Variants in KLHL13 observed in about 807,000 individuals in gnomAD.
KLHL13 encodes the protein kelch-like protein 13.
Under a neutral mutation model 37.1 loss-of-function variants are expected in KLHL13, and 10 were observed. That is an observed-to-expected ratio of 0.27 (90% CI 0.17 to 0.46). KLHL13 has a LOEUF of 0.46. KLHL13 is among the 20% of genes least tolerant of loss of function. The pLI is 1.00. For synonymous variants in KLHL13, 163 were observed against 181.2 expected (o/e 0.90, Z 0.81); for missense variants, 360 against 509.3 (o/e 0.71, Z 2.82).
At chrX:118,081,179 T>C (rs1449242147) in intron 1 of KLHL13, among the ~76,000 whole-genome samples, 1 of 111,387 alleles carries the variant, frequency 9.0e-6, no homozygotes, top group Non-Finnish European at 1.9e-5. Flanking sequence ...GCTACCTGAG[T>C]GCGATATACC....
At chrX:118,047,630 A>T (rs1435214676) in intron 1 of KLHL13, among the ~76,000 whole-genome samples, 1 of 112,162 alleles carries the variant, frequency 8.9e-6, no homozygotes, top group African/African-American at 3.2e-5. Flanking sequence ...ACCAACCATA[A>T]TAGAAACAGG....
In KLHL13 at chrX:118,033,592, A is replaced by T. The variant is rs184421569; in HGVS notation, c.-56+82916T>A. ...CCCTAAAACAGATCCTGAAGGAAGC[A>T]CTAAACATGGAAAGGAACAACCGGT... On this transcript the variant is annotated intron_variant, in intron 1 of 6. Coordinates refer to the KLHL13 transcript ENST00000371882. 5.8e-3 allele frequency among the ~76,000 whole-genome samples: 646 copies of T among 110,856 alleles called. 5 individuals are homozygous for T. The highest frequency in any genetic ancestry group is 0.018 in the African/African-American group (555 of 30,363).
At chrX:118,097,742 T>C (rs765355761) in intron 1 of KLHL13, among the ~76,000 whole-genome samples, 1 of 110,992 alleles carries the variant, frequency 9.0e-6, no homozygotes, top group African/African-American at 3.3e-5. Context: ...TATAGACCAA[T>C]GGAACAGAAC....
intron 4 of KLHL13, among the ~76,000 whole-genome samples, chrX:117,916,220 T>C (rs781041336): frequency 2.7e-5 from 3 of 111,731 alleles, no homozygotes; most frequent in South Asian, 3.7e-4. Context: ...ATTTAACATG[T>C]TGTAGTTATA....
At chrX:118,055,049 T>C in intron 1 of KLHL13, among the ~76,000 whole-genome samples, 1 of 111,498 alleles carries the variant, frequency 9.0e-6, no homozygotes, top group Non-Finnish European at 1.9e-5. Context: ...GAAATCACCA[T>C]GTTACTAAAT....
intron 4 of KLHL13, among the ~76,000 whole-genome samples, chrX:117,912,056 G>A (rs746914171): frequency 9.0e-6 from 1 of 111,450 alleles, no homozygotes; most frequent in Admixed American, 9.5e-5. Context: ...GCTGCAGGTC[G>A]GTGGTTCAAA....
At chrX:118,001,039 T>C (rs1383695393) in intron 1 of KLHL13, among the ~76,000 whole-genome samples, 2 of 112,091 alleles carry the variant, frequency 1.8e-5, no homozygotes, top group Non-Finnish European at 3.8e-5. Context: ...AAGCAAAAAG[T>C]GTAAAGAACA....
intron 1 of KLHL13, among the ~76,000 whole-genome samples, chrX:118,044,878 T>C (rs1243233202): frequency 9.0e-6 from 1 of 111,480 alleles, no homozygotes; most frequent in Admixed American, 9.5e-5. Flanking sequence ...AAAGCAAAAA[T>C]GGACAAATGG....
intron 1 of KLHL13, among the ~76,000 whole-genome samples, chrX:117,970,272 C>T (rs925739728): frequency 5.4e-5 from 6 of 111,804 alleles, no homozygotes; most frequent in Admixed American, 1.9e-4. Flanking sequence ...ACATTACAAA[C>T]CAATACTGAT....
At chrX:117,977,723 A>G (rs2053610619), upstream of KLHL13, among the ~76,000 whole-genome samples, 1 of 112,434 alleles carries the variant, frequency 8.9e-6, no homozygotes, top group East Asian at 2.8e-4. Flanking sequence ...TGCTTTGTTT[A>G]TGTTCCACCA....
intron 1 of KLHL13, among the ~76,000 whole-genome samples, chrX:118,051,796 G>T (rs2054616779): frequency 9.0e-6 from 1 of 110,940 alleles, no homozygotes; most frequent in African/African-American, 3.3e-5. Context: ...TGGACATTTT[G>T]TACGTTGAAT....
At chrX:117,930,621 C>G (rs1470521281) in intron 2 of KLHL13, among the ~76,000 whole-genome samples, 1 of 111,614 alleles carries the variant, frequency 9.0e-6, no homozygotes, top group Non-Finnish European at 1.9e-5. Flanking sequence ...ATTGAGAGAG[C>G]AGGACAAGAA....
intron 1 of KLHL13, among the ~76,000 whole-genome samples, chrX:117,994,748 CA>C (rs1227189469): frequency 8.9e-6 from 1 of 111,996 alleles, no homozygotes; most frequent in Non-Finnish European, 1.9e-5. Context: ...GTTCAACTTT[CA>C]TAAACAGCAA....
At chrX:118,058,067 T>C (rs1369716801) in intron 1 of KLHL13, among the ~76,000 whole-genome samples, 1 of 111,069 alleles carries the variant, frequency 9.0e-6, no homozygotes, top group Non-Finnish European at 1.9e-5. Flanking sequence ...AATGTCAAAA[T>C]AGCCAGAAGT....
At chrX:117,993,737 C>CT (rs754543852) in intron 1 of KLHL13, among the ~76,000 whole-genome samples, 128 of 94,363 alleles carry the variant, frequency 1.4e-3, no homozygotes, top group Middle Eastern at 5.2e-3. Context: ...TTATCTGTTG[C>CT]TTTTTTTTTT....
At chrX:117,899,002 G>T in exon 7 of KLHL13, 2 of 1,210,636 alleles carry the variant, frequency 1.7e-6, no homozygotes, top group Non-Finnish European at 2.2e-6. Flanking sequence ...GCCACCAAGG[G>T]ATTCTGGCAG....
chrX:118,101,032 T>TA (rs2055282259), intron 1 of KLHL13, among the ~76,000 whole-genome samples: 1 of 112,004 alleles, frequency 8.9e-6, no homozygotes, highest in African/African-American at 3.2e-5. Context: ...CTTCTCTCTA[T>TA]ATATTAGTCG....
chrX:118,023,632 G>A (rs1220239689), intron 1 of KLHL13, among the ~76,000 whole-genome samples: 3 of 111,319 alleles, frequency 2.7e-5, no homozygotes, highest in South Asian at 7.6e-4. Flanking sequence ...GCAGTGGCAC[G>A]ATCTCAGCTC....
At chrX:117,915,221 A>G (rs1027624416) in intron 4 of KLHL13, among the ~76,000 whole-genome samples, 8 of 112,675 alleles carry the variant, frequency 7.1e-5, no homozygotes, top group African/African-American at 2.6e-4. Flanking sequence ...GATTAAATGA[A>G]AAATGTGAAA....
Sources: allele counts gnomAD v4.1 joint callset (sites outside exome capture counted in the v4.1 genomes callset), GRCh38; gene constraint gnomAD v4.1.1; transcripts MANE v1.5; gene names NCBI Gene and HGNC (gene_info 2026-07-23, HGNC 2026-07-21).